The following BCOR variants were observed in gnomAD, a reference collection of about 807,000 sequenced individuals.
The protein encoded by BCOR is BCL-6 corepressor.
A neutral mutation model predicts 86.7 loss-of-function variants in BCOR; 10 were observed. The observed-to-expected ratio is 0.12, with a 90% CI of 0.07 to 0.20. The LOEUF (loss-of-function observed/expected upper bound fraction) is 0.20. BCOR is among the 10% of genes least tolerant of loss of function. BCOR has a pLI of 1.00. For missense variants in BCOR, 1,259 were observed against 1,452.1 expected (o/e 0.87, Z 2.16); for synonymous variants, 611 against 609.0 (o/e 1.00, Z -0.05).
chrX:40,088,638 A>G (rs997149823), intron 1 of BCOR, among the ~76,000 whole-genome samples: 1 of 112,536 alleles, frequency 8.9e-6, no homozygotes, highest in Admixed American at 9.3e-5. Flanking sequence ...GGATCCATAC[A>G]GGTCTGGTTT....
intron 2 of BCOR, 126 bp downstream of exon 2, chrX:40,077,718 G>A (rs1029223320): frequency 1.8e-5 from 10 of 567,681 alleles, no homozygotes; most frequent in Admixed American, 1.1e-4. Flanking sequence ...AATCAAGAGC[G>A]GCCTACTAGG....
intron 1 of BCOR, among the ~76,000 whole-genome samples, chrX:40,096,002 C>T (rs1035127095): frequency 8.9e-6 from 1 of 112,574 alleles, no homozygotes; most frequent in African/African-American, 3.2e-5. Flanking sequence ...CCAAGGCTCT[C>T]TCCGTAAACA....
intron 6 of BCOR, among the ~76,000 whole-genome samples, chrX:40,067,041 C>T (rs761379237): frequency 3.7e-5 from 4 of 108,759 alleles, no homozygotes; most frequent in Non-Finnish European, 7.6e-5. Context: ...GTATTTGTAA[C>T]AATCTCAACC....
rs1320238498 is a variant in BCOR at position 40,055,497 on chromosome X, C to T, written c.4612G>A (p.Val1538Ile). The change falls in exon 12 of 15, where the codon GTT (valine) becomes ATT (isoleucine). Residue 1538 changes from valine (V) to isoleucine (I), a missense_variant. By Grantham distance (29) the Val-to-Ile change is conservative. Transcript: ENST00000378444. Reference sequence around the variant, plus strand: ...ACAATTTCCAAGTGATCGTTCTCAACAGCATCGTGCAGAGGCCTAGGAAGA... The same window carrying T: ...ACAATTTCCAAGTGATCGTTCTCAATAGCATCGTGCAGAGGCCTAGGAAGA... ...QDGTRPLHDAVENDHLEIVRL... is the reference protein window; with the variant it reads ...QDGTRPLHDAIENDHLEIVRL... 3 of 1,209,888 alleles carry T rather than the reference C, an allele frequency of 2.5e-6. No homozygotes were observed. Among genetic ancestry groups the T allele is most frequent in the Non-Finnish European group, 3.4e-6 (3 of 895,185 alleles).
At chrX:40,114,849 C>CTT (rs763376608) in intron 1 of BCOR, among the ~76,000 whole-genome samples, 2,412 of 85,010 alleles carry the variant, frequency 0.028, 82 homozygotes, top group Middle Eastern at 0.043. Flanking sequence ...TTACCATTCA[C>CTT]TTTTTTTTTT....
At chrX:40,088,277 G>A (rs1233855078) in intron 1 of BCOR, among the ~76,000 whole-genome samples, 1 of 112,709 alleles carries the variant, frequency 8.9e-6, no homozygotes, top group Non-Finnish European at 1.9e-5. Flanking sequence ...GCAGTAAGGC[G>A]CATCTTGTCC....
At chrX:40,153,383 G>A (rs1372671589) in intron 1 of BCOR, among the ~76,000 whole-genome samples, 1 of 112,333 alleles carries the variant, frequency 8.9e-6, no homozygotes, top group Non-Finnish European at 1.9e-5. Context: ...CCGCTTGGCG[G>A]ATCTGCTCCC....
At chrX:40,133,434 C>T (rs112252965) in intron 1 of BCOR, among the ~76,000 whole-genome samples, 10,863 of 104,775 alleles carry the variant, frequency 0.1, 496 homozygotes, top group Middle Eastern at 0.15. Flanking sequence ...CCGCCCCCGG[C>T]CATCTACTTC....
intron 1 of BCOR, among the ~76,000 whole-genome samples, chrX:40,121,942 G>T (rs1467080527): frequency 1.8e-5 from 2 of 111,949 alleles, no homozygotes; most frequent in South Asian, 7.4e-4. Context: ...CTTTGTCATC[G>T]CATCCATCCC....
At chrX:40,054,458 T>A (rs980090260) in intron 12 of BCOR, 125 bp from the exon 13 acceptor site, 2 of 519,373 alleles carry the variant, frequency 3.9e-6, no homozygotes, top group African/African-American at 4.7e-5. Flanking sequence ...CCTGTCTTCC[T>A]CTTTCTCAGC....
chrX:40,070,549 C>T lies in BCOR; in HGVS notation c.3238+424G>A, dbSNP rs147864263. On this transcript the variant is annotated intron_variant, in intron 6 of 14. Transcript: ENST00000378444. ...CCCCACCCCCCACGGTAAATCGTAA[C>T]GCTCATCTTTATGGTGACTTCACCA... 3.6e-3 allele frequency among the ~76,000 whole-genome samples: 400 copies of T among 111,787 alleles called. 1 individual carries two copies. Among genetic ancestry groups the T allele is most frequent in the African/African-American group, 0.011 (346 of 30,758 alleles).
chrX:40,173,885 C>T (rs1938684964), intron 1 of BCOR, among the ~76,000 whole-genome samples: 1 of 113,162 alleles, frequency 8.8e-6, no homozygotes, highest in African/African-American at 3.2e-5. Context: ...TGGCGTATGG[C>T]AGGCCTTGTC....
chrX:40,118,757 G>C (rs946002414), intron 1 of BCOR, among the ~76,000 whole-genome samples: 2 of 112,572 alleles, frequency 1.8e-5, no homozygotes, highest in Non-Finnish European at 3.7e-5. Context: ...CCTCTACTGA[G>C]TATTCCACAG....
At chrX:40,156,221 A>G (rs932582521) in intron 1 of BCOR, among the ~76,000 whole-genome samples, 1 of 112,914 alleles carries the variant, frequency 8.9e-6, no homozygotes, top group African/African-American at 3.2e-5. Context: ...TAGCGTAATT[A>G]AAGATCTGAG....
At chrX:40,090,532 G>A (rs974688074) in intron 1 of BCOR, among the ~76,000 whole-genome samples, 3 of 112,053 alleles carry the variant, frequency 2.7e-5, no homozygotes, top group African/African-American at 6.5e-5. Flanking sequence ...ACCGCTAGAC[G>A]GCGGCCAGGG....
chrX:40,109,813 G>A (rs1202674871), intron 1 of BCOR, among the ~76,000 whole-genome samples: 5 of 112,692 alleles, frequency 4.4e-5, no homozygotes, highest in Admixed American at 3.7e-4. Context: ...GCCTGGCAAA[G>A]TTCCTGTGGA....
intron 1 of BCOR, among the ~76,000 whole-genome samples, chrX:40,085,937 G>C (rs1420456244): frequency 8.9e-6 from 1 of 111,932 alleles, no homozygotes. Context: ...CGGGGTACCA[G>C]GAACTCAAAG....
At chrX:40,079,183 C>A (rs1935959439) in intron 1 of BCOR, among the ~76,000 whole-genome samples, 2 of 111,791 alleles carry the variant, frequency 1.8e-5, no homozygotes, top group African/African-American at 6.5e-5. Context: ...TGCAGATCAT[C>A]AGGGGAACTT....
At chrX:40,080,518 C>T (rs185396841) in intron 1 of BCOR, among the ~76,000 whole-genome samples, 2 of 111,536 alleles carry the variant, frequency 1.8e-5, no homozygotes, top group Non-Finnish European at 3.8e-5. Context: ...CTCCCGGCAC[C>T]TTCTTGGGAA....
Sources: allele counts gnomAD v4.1 joint callset (sites outside exome capture counted in the v4.1 genomes callset), GRCh38; gene constraint gnomAD v4.1.1; transcripts MANE v1.5; gene names NCBI Gene and HGNC (gene_info 2026-07-23, HGNC 2026-07-21).